CADPS2: variants seen among roughly 807,000 people sequenced by gnomAD.
CADPS2 encodes calcium dependent secretion activator 2, also known as calcium-dependent secretion activator 2.
In CADPS2, 93 loss-of-function variants were observed where a neutral mutation model predicts 172.5. That is an observed-to-expected ratio of 0.54 (90% CI 0.46 to 0.64). The LOEUF is 0.64. Among genes scored for constraint, CADPS2 ranks in the 30% least tolerant of loss-of-function variants. The pLI is 0.00. For synonymous variants in CADPS2, 546 were observed against 555.2 expected (o/e 0.98, Z 0.23); for missense variants, 1,420 against 1,565.9 (o/e 0.91, Z 1.57).
rs1286462243 is a variant in CADPS2 at position 122,820,542 on chromosome 7, G to GTTTTTTTTT, written c.339+65456_339+65457insAAAAAAAAA. Among the ~76,000 whole-genome samples, 29 of 117,800 alleles carry GTTTTTTTTT rather than the reference G, an allele frequency of 2.5e-4. 2 individuals are homozygous for GTTTTTTTTT. The highest frequency in any genetic ancestry group is 1.0e-3 in the African/African-American group (28 of 27,598). The allele number at this position is 117,800 out of a possible 152,430, so 77.3% of individuals were successfully genotyped here. On this transcript the variant is annotated intron_variant, in intron 1 of 29. Coordinates refer to ENST00000449022, the MANE Select transcript of CADPS2 (RefSeq NM_017954.11). ...TCTGTCCAAACAACTTGACCTTACT[G>GTTTTTTTTT]TTTTTTGTTTTTTGTTTTTTTTTTT...
At chr7:122,716,174 T>A (rs1443666296) in intron 2 of CADPS2, among the ~76,000 whole-genome samples, 1 of 152,122 alleles carries the variant, frequency 6.6e-6, no homozygotes, top group Non-Finnish European at 1.5e-5. Flanking sequence ...AAAACTGATC[T>A]GAAGTAATGG....
At chr7:122,375,321 C>A (rs1363281165) in intron 25 of CADPS2, among the ~76,000 whole-genome samples, 1 of 151,976 alleles carries the variant, frequency 6.6e-6, no homozygotes, top group Non-Finnish European at 1.5e-5. Flanking sequence ...CTAAAATAAT[C>A]AAAAAAGTAA....
intron 23 of CADPS2, among the ~76,000 whole-genome samples, chr7:122,387,384 T>C (rs2043821688): frequency 6.6e-6 from 1 of 152,056 alleles, no homozygotes; most frequent in Admixed American, 6.6e-5. Flanking sequence ...ATATTAAGCC[T>C]AGCTTCATGC....
chr7:122,730,805 A>G (rs1166021673), intron 2 of CADPS2, among the ~76,000 whole-genome samples: 1 of 151,718 alleles, frequency 6.6e-6, no homozygotes, highest in Non-Finnish European at 1.5e-5. Flanking sequence ...TATTTTAAAT[A>G]TTTCTTAAAT....
At chr7:122,672,331 C>T (rs1211543057) in intron 2 of CADPS2, among the ~76,000 whole-genome samples, 1 of 152,134 alleles carries the variant, frequency 6.6e-6, no homozygotes, top group Non-Finnish European at 1.5e-5. Flanking sequence ...CTCCAACTTT[C>T]TGCTGTGGGA....
intron 2 of CADPS2, chr7:122,698,495 T>C: frequency 6.2e-7 from 1 of 1,613,968 alleles, no homozygotes; most frequent in Non-Finnish European, 8.5e-7. Flanking sequence ...TGATGAAACA[T>C]GGGGAACACC....
intron 19 of CADPS2, chr7:122,412,888 T>C (rs762220162): frequency 3.3e-5 from 5 of 152,222 alleles, no homozygotes; most frequent in Non-Finnish European, 2.9e-5. Flanking sequence ...CAGGTTTGCA[T>C]TGTGATCACC....
intron 18 of CADPS2, among the ~76,000 whole-genome samples, chr7:122,415,688 A>C (rs186477520): frequency 2.9e-3 from 436 of 152,088 alleles, no homozygotes; most frequent in African/African-American, 9.6e-3. Flanking sequence ...ATAGCTCTGA[A>C]AGTTGCCTTA....
chr7:122,526,179 CTTAT>C (rs3069351), intron 8 of CADPS2, among the ~76,000 whole-genome samples: 86,123 of 149,708 alleles, frequency 0.58, 24,824 homozygotes, highest in African/African-American at 0.64. Flanking sequence ...CTTTGATACA[CTTAT>C]TTATTTATTT....
chr7:122,365,756 AT>A (rs1275004539), intron 25 of CADPS2, among the ~76,000 whole-genome samples: 5 of 152,202 alleles, frequency 3.3e-5, no homozygotes, highest in Non-Finnish European at 7.3e-5. Flanking sequence ...TGCCTGGGTA[AT>A]TACTGACTTT....
chr7:122,640,470 TACACAC>T (rs10544198), intron 3 of CADPS2, among the ~76,000 whole-genome samples: 3 of 137,522 alleles, frequency 2.2e-5, no homozygotes, highest in African/African-American at 5.3e-5. Context: ...CACACACATA[TACACAC>T]ACACACACAC....
chr7:122,384,883 G>A (rs1404369385), intron 24 of CADPS2, among the ~76,000 whole-genome samples: 2 of 151,996 alleles, frequency 1.3e-5, no homozygotes, highest in African/African-American at 2.4e-5. Flanking sequence ...TTCTTACAGG[G>A]GAGGATTTTT....
intron 2 of CADPS2, chr7:122,698,184 C>T (rs1223156615): frequency 1.2e-6 from 2 of 1,613,742 alleles, no homozygotes; most frequent in East Asian, 2.2e-5. Flanking sequence ...TTTCTTCATC[C>T]CCCTCTTTTA....
intron 8 of CADPS2, among the ~76,000 whole-genome samples, chr7:122,545,088 C>T (rs1308526537): frequency 6.6e-6 from 1 of 152,132 alleles, no homozygotes; most frequent in African/African-American, 2.4e-5. Flanking sequence ...TTCTGCCCCA[C>T]CTCCCATTCC....
At chr7:122,841,374 A>G (rs1015328620) in intron 1 of CADPS2, among the ~76,000 whole-genome samples, 1 of 152,148 alleles carries the variant, frequency 6.6e-6, no homozygotes, top group African/African-American at 2.4e-5. Flanking sequence ...AAAAAAAACT[A>G]ATTATATGGA....
At chr7:122,746,521 G>A (rs1039603226) in intron 1 of CADPS2, among the ~76,000 whole-genome samples, 1 of 152,058 alleles carries the variant, frequency 6.6e-6, no homozygotes, top group Admixed American at 6.6e-5. Flanking sequence ...TATCACAGGG[G>A]TGTCCAATCT....
At chr7:122,602,607 T>C (rs2072951489) in intron 6 of CADPS2, among the ~76,000 whole-genome samples, 3 of 151,990 alleles carry the variant, frequency 2.0e-5, no homozygotes, top group Admixed American at 1.3e-4. Flanking sequence ...GGAGGCACCA[T>C]GTGTACATAC....
intron 14 of CADPS2, among the ~76,000 whole-genome samples, chr7:122,454,992 C>T (rs1380422398): frequency 6.6e-6 from 1 of 152,156 alleles, no homozygotes; most frequent in Non-Finnish European, 1.5e-5. Flanking sequence ...CTTCAACCAT[C>T]AGTCATTATG....
rs149859579 is a variant in CADPS2, at chr7:122,684,707, G to T, written c.454-21138C>A. ...GTGATATGCCAATGTTAACAAGGAA[G>T]TTGGGAGGAAAGAGATTTCTAAAAG... On this transcript the variant is annotated intron_variant, in intron 2 of 29. Transcript: ENST00000449022. Among the ~76,000 whole-genome samples the T allele has an allele frequency of 2.1e-3, 323 of 152,256 alleles. 1 individual carries two copies. The highest frequency in any genetic ancestry group is 7.7e-3 in the South Asian group (37 of 4,826).
Sources: allele counts gnomAD v4.1 joint callset (sites outside exome capture counted in the v4.1 genomes callset), GRCh38; gene constraint gnomAD v4.1.1; transcripts MANE v1.5; gene names NCBI Gene and HGNC (gene_info 2026-07-23, HGNC 2026-07-21).